The following TTC3 variants were observed in gnomAD, a reference collection of about 807,000 sequenced individuals.
TTC3 encodes E3 ubiquitin-protein ligase TTC3.
In TTC3, 180 loss-of-function variants were observed where a neutral mutation model predicts 249.6. The observed-to-expected ratio is 0.72, with a 90% CI of 0.64 to 0.82. The LOEUF is 0.82. TTC3 is among the 40% of genes least tolerant of loss of function. The pLI is 0.00. For missense variants in TTC3, 2,061 were observed against 2,398.4 expected (o/e 0.86, Z 2.94); for synonymous variants, 717 against 805.0 (o/e 0.89, Z 1.85).
rs765997133 is a variant in TTC3 at position 37,078,866 on chromosome 21, C to T, written c.-12+5502C>T. Among the ~76,000 whole-genome samples, 19 of 152,016 alleles carry T rather than the reference C, an allele frequency of 1.2e-4. 1 individual carries two copies. The highest frequency in any genetic ancestry group is 2.2e-4 in the Non-Finnish European group (15 of 68,006). On this transcript the variant is annotated intron_variant, in intron 1 of 45. Transcript: ENST00000355666. Reference sequence around the variant, plus strand: ...AGTGATTAGGGTTGTTCATTAGAAGCGATTATAGTGGGCATAGAGTTCTTG... The same window carrying T: ...AGTGATTAGGGTTGTTCATTAGAAGTGATTATAGTGGGCATAGAGTTCTTG...
chr21:37,101,287 C>T (rs2074471593), intron 10 of TTC3: 1 of 151,894 alleles, frequency 6.6e-6, no homozygotes, highest in Non-Finnish European at 1.5e-5. Context: ...TTTTTTCCCC[C>T]CTAAATTTCT....
chr21:37,186,439 A>AT (rs1393099575), intron 37 of TTC3, among the ~76,000 whole-genome samples: 1 of 152,082 alleles, frequency 6.6e-6, no homozygotes, highest in African/African-American at 2.4e-5. Context: ...ACTTTTTAAA[A>AT]TTTTTATTTA....
intron 20 of TTC3, 58 bp from the exon 21 acceptor site, chr21:37,144,467 A>G: frequency 6.4e-7 from 1 of 1,562,788 alleles, no homozygotes; most frequent in Non-Finnish European, 8.7e-7. Flanking sequence ...GTGACTTTTG[A>G]AGGGAGTGAA....
chr21:37,103,833 A>G (rs2074773051), intron 10 of TTC3, among the ~76,000 whole-genome samples: 1 of 152,024 alleles, frequency 6.6e-6, no homozygotes, highest in Non-Finnish European at 1.5e-5. Flanking sequence ...AGGAGAGGGT[A>G]GTATGTTCAT....
chr21:37,155,439 T>C (rs567340205), intron 27 of TTC3, among the ~76,000 whole-genome samples: 15 of 152,330 alleles, frequency 9.8e-5, no homozygotes, highest in East Asian at 7.7e-4. Flanking sequence ...TATTTTTTCA[T>C]TGGGCTCTCA....
intron 10 of TTC3, among the ~76,000 whole-genome samples, chr21:37,105,377 C>T (rs1160402741): frequency 6.6e-6 from 1 of 152,074 alleles, no homozygotes; most frequent in African/African-American, 2.4e-5. Flanking sequence ...TTCAGTGGCT[C>T]AACAATGTCA....
intron 3 of TTC3, 137 bp from the exon 4 acceptor site, chr21:37,088,059 A>G: frequency 1.0e-6 from 1 of 983,898 alleles, no homozygotes; most frequent in South Asian, 1.9e-5. Flanking sequence ...AAATATTCTT[A>G]ACATTTAACA....
intron 1 of TTC3, among the ~76,000 whole-genome samples, chr21:37,079,445 C>T (rs975178332): frequency 1.4e-5 from 2 of 146,058 alleles, no homozygotes; most frequent in Non-Finnish European, 3.0e-5. Flanking sequence ...TAGGACTGTT[C>T]AGGTATTCTA....
At chr21:37,180,627 G>A (rs1395877117) in intron 35 of TTC3, among the ~76,000 whole-genome samples, 1 of 109,514 alleles carries the variant, frequency 9.1e-6, no homozygotes. Flanking sequence ...GGGGGAGGGG[G>A]GAGGGATAGC....
At position 37,137,858 on chromosome 21, in the gene TTC3, G is replaced by C. The variant is rs557299984; in HGVS notation, c.1579-776G>C. ...TTTTCAGGAACTACCACCCTGAACA[G>C]TTAGCAGTCATCAATATCAAGGCAA... On this transcript the variant is annotated intron_variant, in intron 18 of 45. Transcript: ENST00000355666. 3.9e-5 allele frequency among the ~76,000 whole-genome samples: 6 copies of C among 152,210 alleles called. No homozygotes were observed. The South Asian group carries it at 1.0e-3, about 26-fold the overall frequency.
At chr21:37,191,841 G>A (rs778024429) in intron 40 of TTC3, among the ~76,000 whole-genome samples, 15 of 152,130 alleles carry the variant, frequency 9.9e-5, no homozygotes, top group Admixed American at 2.0e-4. Context: ...TGCCCGCTTC[G>A]GCCTCCCAAA....
At chr21:37,132,682 T>C (rs1286043412) in exon 17 of TTC3, 5 of 1,590,124 alleles carry the variant, frequency 3.1e-6, no homozygotes, top group Non-Finnish European at 4.3e-6. Context: ...TTTCTTTTAG[T>C]TCTAGTTCAC....
Position 37,098,237 on chromosome 21 carries a change from A to C in TTC3, c.845+1594A>C, listed in dbSNP as rs141134438. ...GGTGAATTTGTATGCTTTCAAGATC[A>C]GATGAATAGGTTGGCAACTTGGCTA... On this transcript the variant is annotated intron_variant, in intron 10 of 45. Coordinates refer to ENST00000355666, the Ensembl canonical transcript of TTC3. 3.2e-3 allele frequency: 837 copies of C among 262,510 alleles called. 12 individuals carry two copies. Among genetic ancestry groups the C allele is most frequent in the East Asian group, 0.016 (240 of 15,444 alleles). The allele number at this position is 262,510 out of a possible 1,614,324, so 16.3% of individuals were successfully genotyped here. A position where few individuals can be genotyped will look rare whatever the true frequency, so the allele number is the denominator to read the frequency against.
chr21:37,115,044 G>T (rs1480670102), intron 11 of TTC3, among the ~76,000 whole-genome samples: 2 of 151,892 alleles, frequency 1.3e-5, no homozygotes, highest in Non-Finnish European at 2.9e-5. Flanking sequence ...AGGTGGGAGG[G>T]GAGAGGGATA....
At position 37,159,683 on chromosome 21, in the gene TTC3, C is replaced by T; in HGVS notation, c.2993-16C>T. On this transcript the variant is annotated splice_polypyrimidine_tract_variant and intron_variant, in intron 28 of 45. Coordinates refer to ENST00000355666, the Ensembl canonical transcript of TTC3. ...ATATTTAGTTTTCTCACAAAACCAT[C>T]TGTATATTCCTACAGACAGCCGCTG... 1.2e-6 allele frequency: 2 copies of T among 1,611,590 alleles called. No individual in the cohort carries two copies. The highest frequency in any genetic ancestry group is 1.7e-6 in the Non-Finnish European group (2 of 1,179,038).
At chr21:37,180,480 AATC>A (rs747531443) in intron 35 of TTC3, among the ~76,000 whole-genome samples, 52 of 151,554 alleles carry the variant, frequency 3.4e-4, no homozygotes, top group Non-Finnish European at 5.9e-4. Flanking sequence ...TGAAACTGGA[AATC>A]ATCATTCTCA....
intron 31 of TTC3, 47 bp from the exon 32 acceptor site, chr21:37,164,004 A>C: frequency 6.4e-7 from 1 of 1,555,688 alleles, no homozygotes; most frequent in Middle Eastern, 2.4e-4. Flanking sequence ...AATAAACCAA[A>C]GGTCTATCAT....
At chr21:37,080,072 TA>T (rs765869465) in intron 1 of TTC3, among the ~76,000 whole-genome samples, 4 of 152,164 alleles carry the variant, frequency 2.6e-5, no homozygotes, top group Non-Finnish European at 5.9e-5. Context: ...ATTATTTTAC[TA>T]TTTTTTTCAC....
exon 33 of TTC3, chr21:37,165,851 G>A: frequency 6.2e-7 from 1 of 1,614,154 alleles, no homozygotes; most frequent in Non-Finnish European, 8.5e-7. Flanking sequence ...AGCTGCTAGG[G>A]AATTTAAACC....
Sources: gnomAD v4.1 joint callset for allele counts (sites outside exome capture counted in the v4.1 genomes callset) on GRCh38, gnomAD v4.1.1 for gene constraint, MANE v1.5 for transcripts, NCBI Gene and HGNC (gene_info 2026-07-23, HGNC 2026-07-21) for gene names.